Variants in RIMBP2 observed in about 807,000 individuals in gnomAD.
RIMBP2 encodes the protein RIMS-binding protein 2.
In RIMBP2, 48 loss-of-function variants were observed where a neutral mutation model predicts 118.6. The ratio of observed to expected loss-of-function variants is 0.40; its 90% CI spans 0.32 to 0.51. RIMBP2 has a LOEUF of 0.51. RIMBP2 is among the 20% of genes least tolerant of loss of function. The probability of loss-of-function intolerance (pLI) is 0.41; values close to 1 mark genes in which losing one functional copy is unlikely to be tolerated. For synonymous variants in RIMBP2, 762 were observed against 742.9 expected (o/e 1.03, Z -0.42); for missense variants, 1,551 against 1,768.3 (o/e 0.88, Z 2.20).
chr12:130,397,334 T>G lies in RIMBP2; in HGVS notation c.*27A>C. 2.5e-6 allele frequency: 1 copy of G among 398,918 alleles called. No individual in the cohort carries two copies. The highest frequency in any genetic ancestry group is 4.4e-6 in the Non-Finnish European group (1 of 226,022). The allele number at this position is 398,918 out of a possible 1,614,324, so 24.7% of individuals were successfully genotyped here. On this transcript the variant is annotated 3_prime_UTR_variant, in exon 23 of 23. Coordinates refer to ENST00000690449, the MANE Select transcript of RIMBP2 (RefSeq NM_001393629.1). Reference sequence around the variant, plus strand: ...TTGGAATTAAAGAAAATTACATAGATTTGGCAGTTGTCCGGAAGCACATGA... The same window carrying G: ...TTGGAATTAAAGAAAATTACATAGAGTTGGCAGTTGTCCGGAAGCACATGA...
At position 130,621,975 on chromosome 12, in the gene RIMBP2, C is replaced by T. The variant is rs765266238; in HGVS notation, c.-217+6347G>A. On this transcript the variant is annotated intron_variant, in intron 2 of 22. Coordinates refer to ENST00000690449, the MANE Select transcript of RIMBP2 (RefSeq NM_001393629.1). The surrounding 1 kb of genome is among the most constrained non-coding windows in gnomAD (Gnocchi z 6.6). Reference sequence around the variant, plus strand: ...TTCAGTATCAACAGAGCCCATTCCACGTCGACTTGTCTACTTTAAAAAATA... The same window carrying T: ...TTCAGTATCAACAGAGCCCATTCCATGTCGACTTGTCTACTTTAAAAAATA... 1.2e-4 allele frequency among the ~76,000 whole-genome samples: 18 copies of T among 152,162 alleles called. No homozygotes were observed. The highest frequency in any genetic ancestry group is 7.7e-4 in the East Asian group (4 of 5,194).
At chr12:130,571,476 A>G (rs891503933) in intron 2 of RIMBP2, among the ~76,000 whole-genome samples, 9 of 148,120 alleles carry the variant, frequency 6.1e-5, no homozygotes, top group East Asian at 2.0e-4. Flanking sequence ...CTGGAGTGCA[A>G]TGGCACAATC....
intron 1 of RIMBP2, among the ~76,000 whole-genome samples, chr12:130,682,319 G>A (rs1410362803): frequency 4.6e-5 from 7 of 152,272 alleles, no homozygotes; most frequent in East Asian, 1.9e-4. Flanking sequence ...CTGGAGCACC[G>A]CCAGCCCCAA....
At chr12:130,472,276 C>T (rs1312619096) in intron 5 of RIMBP2, 2 of 152,194 alleles carry the variant, frequency 1.3e-5, no homozygotes, top group East Asian at 1.9e-4. Context: ...CGAACGTCAT[C>T]GTCAACTGTG....
rs193112493 is a variant in RIMBP2 at position 130,483,403 on chromosome 12, A to G, written c.-3-4387T>C. On this transcript the variant is annotated intron_variant, in intron 4 of 22. Coordinates refer to ENST00000690449, the MANE Select transcript of RIMBP2 (RefSeq NM_001393629.1). ...TATGCAGCCACAAAAATTGTAAAAAATTAAAAATAAATAAATAAAAGGGGA... is the reference window on the plus strand; with the variant it reads ...TATGCAGCCACAAAAATTGTAAAAAGTTAAAAATAAATAAATAAAAGGGGA... Among the ~76,000 whole-genome samples, 207 of 152,358 alleles carry G rather than the reference A, an allele frequency of 1.4e-3. 1 individual carries two copies. Among genetic ancestry groups the G allele is most frequent in the African/African-American group, 4.7e-3 (197 of 41,582 alleles).
At chr12:130,545,758 A>C (rs1022849984) in intron 2 of RIMBP2, among the ~76,000 whole-genome samples, 3 of 152,210 alleles carry the variant, frequency 2.0e-5, no homozygotes, top group African/African-American at 7.2e-5. Flanking sequence ...AAAGCTGTCA[A>C]ATCTCCATCT....
intron 22 of RIMBP2, among the ~76,000 whole-genome samples, chr12:130,399,434 C>T (rs968848349): frequency 5.3e-5 from 8 of 152,028 alleles, no homozygotes; most frequent in African/African-American, 1.9e-4. Context: ...TAGGATGGGA[C>T]ATTTCTTTGT....
intron 1 of RIMBP2, among the ~76,000 whole-genome samples, chr12:130,697,891 G>A (rs550675602): frequency 8.5e-5 from 13 of 152,362 alleles, no homozygotes; most frequent in Admixed American, 7.8e-4. Flanking sequence ...CTCCATTTGG[G>A]ATGCACTGAA....
intron 14 of RIMBP2, chr12:130,428,612 C>T (rs528446988): frequency 4.4e-4 from 138 of 311,356 alleles, no homozygotes; most frequent in South Asian, 1.5e-3. Flanking sequence ...ATAGAAAACC[C>T]ACTGGGGCTT....
rs1048900382 is a variant in RIMBP2, at chr12:130,559,661, C to T, written c.-216-41744G>A. Among the ~76,000 whole-genome samples, 6 of 152,330 alleles carry T rather than the reference C, an allele frequency of 3.9e-5. No individual in the cohort carries two copies. The South Asian group carries it at 6.2e-4, about 16-fold the overall frequency. On this transcript the variant is annotated intron_variant, in intron 2 of 22. Coordinates refer to ENST00000690449, the MANE Select transcript of RIMBP2 (RefSeq NM_001393629.1). ...ATTTGTTAAGGGTGGGCTGGGACTGCGTGCAGGGCACTGACAGGCGTACCT... is the reference window on the plus strand; with the variant it reads ...ATTTGTTAAGGGTGGGCTGGGACTGTGTGCAGGGCACTGACAGGCGTACCT...
intron 4 of RIMBP2, among the ~76,000 whole-genome samples, chr12:130,487,167 G>A (rs952533974): frequency 2.6e-5 from 4 of 152,188 alleles, no homozygotes; most frequent in East Asian, 3.9e-4. Flanking sequence ...AGGTCTTAGC[G>A]AGTGCCATTC....
chr12:130,573,112 C>A (rs1183835649), intron 2 of RIMBP2, among the ~76,000 whole-genome samples: 2 of 152,184 alleles, frequency 1.3e-5, no homozygotes, highest in Non-Finnish European at 1.5e-5. Flanking sequence ...TTTGAGAAAT[C>A]AGTGAAGCAA....
chr12:130,471,219 A>G (rs1244714421), intron 5 of RIMBP2, among the ~76,000 whole-genome samples: 1 of 152,192 alleles, frequency 6.6e-6, no homozygotes, highest in Non-Finnish European at 1.5e-5. Context: ...CCCTCTTCAA[A>G]GCACTGGCGG....
intron 1 of RIMBP2, among the ~76,000 whole-genome samples, chr12:130,657,621 G>C (rs1343363869): frequency 6.6e-6 from 1 of 152,040 alleles, no homozygotes; most frequent in Non-Finnish European, 1.5e-5. Flanking sequence ...CCGCAGAAGG[G>C]CTGTGCGGGG....
chr12:130,425,179 G>A (rs137989296), intron 15 of RIMBP2: 33 of 246,760 alleles, frequency 1.3e-4, no homozygotes, highest in Non-Finnish European at 1.9e-4. Context: ...CAGTGCCCAC[G>A]GTACCGCTGC....
chr12:130,518,716 A>G (rs906509668), intron 2 of RIMBP2, among the ~76,000 whole-genome samples: 1 of 152,206 alleles, frequency 6.6e-6, no homozygotes, highest in Non-Finnish European at 1.5e-5. Context: ...CAAGACTGAG[A>G]TCACCTAGGG....
intron 3 of RIMBP2, among the ~76,000 whole-genome samples, chr12:130,508,706 C>T (rs1377049298): frequency 2.0e-5 from 3 of 152,182 alleles, no homozygotes; most frequent in Non-Finnish European, 2.9e-5. Flanking sequence ...GGCTGCTCCT[C>T]ATTGGAACAG....
rs941826914 is a variant in RIMBP2 at position 130,647,747 on chromosome 12, C to G, written c.-351-19291G>C. On this transcript the variant is annotated intron_variant, in intron 1 of 22. Transcript: ENST00000690449. ...TTTGTAAGCCCCTGCATCCAGAGAT[C>G]CCACCCTTTAAATCAAACCAATGCA... Among the ~76,000 whole-genome samples, 10 of 145,908 alleles carry G rather than the reference C, an allele frequency of 6.9e-5. 1 individual carries two copies. The highest frequency in any genetic ancestry group is 1.1e-4 in the Non-Finnish European group (7 of 64,372).
intron 1 of RIMBP2, among the ~76,000 whole-genome samples, chr12:130,639,200 C>A (rs1415256735): frequency 6.6e-6 from 1 of 151,232 alleles, no homozygotes; most frequent in Non-Finnish European, 1.5e-5. Flanking sequence ...CCAGCCTAGG[C>A]AACATAGTGA....
Sources: allele counts gnomAD v4.1 joint callset (sites outside exome capture counted in the v4.1 genomes callset), GRCh38; gene constraint gnomAD v4.1.1; non-coding constraint Gnocchi (gnomAD v3.1); transcripts MANE v1.5; gene names NCBI Gene and HGNC (gene_info 2026-07-23, HGNC 2026-07-21).